Variants in SLCO3A1 observed in about 807,000 individuals in gnomAD.
SLCO3A1 encodes the protein PGE1 transporter.
A neutral mutation model predicts 63.1 loss-of-function variants in SLCO3A1; 27 were observed. That is an observed-to-expected ratio of 0.43 (90% CI 0.32 to 0.59). The LOEUF (loss-of-function observed/expected upper bound fraction) is 0.59. SLCO3A1 is among the 20% of genes least tolerant of loss of function. The pLI is 0.09. For missense variants in SLCO3A1, 773 were observed against 945.8 expected (o/e 0.82, Z 2.40); for synonymous variants, 473 against 409.9 (o/e 1.15, Z -1.86).
At chr15:91,976,250 C>CA (rs554796084) in intron 2 of SLCO3A1, among the ~76,000 whole-genome samples, 2 of 151,768 alleles carry the variant, frequency 1.3e-5, no homozygotes, top group Admixed American at 6.6e-5. Flanking sequence ...GAGTTAGTAC[C>CA]AAAAAAAGAC....
chr15:91,930,300 T>A (rs1324830755), intron 2 of SLCO3A1, among the ~76,000 whole-genome samples: 6 of 152,192 alleles, frequency 3.9e-5, no homozygotes, highest in Admixed American at 3.3e-4. Context: ...CTGATGAGTT[T>A]CACTGTGCCC....
At chr15:91,988,351 T>TC (rs1395208390) in intron 2 of SLCO3A1, among the ~76,000 whole-genome samples, 1 of 152,054 alleles carries the variant, frequency 6.6e-6, no homozygotes, top group Non-Finnish European at 1.5e-5. Flanking sequence ...AATCAATCAA[T>TC]AAAGACATAG....
Position 92,130,668 on chromosome 15 carries a change from T to C in SLCO3A1, c.1512+2179T>C, listed in dbSNP as rs193167928. ...CGAGAGCCTATTAAGGTCCAGGTAA[T>C]GGGGCCTTCCGTGTGTCACTCGTGA... On this transcript the variant is annotated intron_variant, in intron 7 of 9. Transcript: ENST00000318445. Among the ~76,000 whole-genome samples the C allele has an allele frequency of 2.2e-3, 330 of 152,236 alleles. 1 individual carries two copies. The highest frequency in any genetic ancestry group is 7.4e-3 in the African/African-American group (307 of 41,546).
At chr15:91,935,262 A>G (rs1258864171) in intron 2 of SLCO3A1, among the ~76,000 whole-genome samples, 1 of 152,208 alleles carries the variant, frequency 6.6e-6, no homozygotes, top group East Asian at 1.9e-4. Flanking sequence ...CAGACTTCTT[A>G]GGATAAATAA....
chr15:91,887,495 C>T (rs1007628051), intron 1 of SLCO3A1, among the ~76,000 whole-genome samples: 1 of 152,184 alleles, frequency 6.6e-6, no homozygotes, highest in African/African-American at 2.4e-5. Flanking sequence ...TGCACAGGAG[C>T]CCTGCAGCAG....
chr15:91,973,130 G>A (rs540292124), intron 2 of SLCO3A1, among the ~76,000 whole-genome samples: 65 of 152,304 alleles, frequency 4.3e-4, no homozygotes, highest in African/African-American at 1.4e-3. Context: ...AAAAGAAAAG[G>A]GCAACGGGCA....
At position 91,926,883 on chromosome 15, in the gene SLCO3A1, A is replaced by G. The variant is rs8024516; in HGVS notation, c.646+10425A>G. ...GCTTTGACTGGATTGAATGAGGTTC[A>G]TGACCCACAGAAGGTTAAAACCATA... On this transcript the variant is annotated intron_variant, in intron 2 of 9. Coordinates refer to ENST00000318445, the MANE Select transcript of SLCO3A1 (RefSeq NM_013272.4). Among the ~76,000 whole-genome samples, 1,018 of 152,262 alleles carry G rather than the reference A, an allele frequency of 6.7e-3. 9 individuals carry two copies. The highest frequency in any genetic ancestry group is 0.023 in the African/African-American group (975 of 41,530).
chr15:91,951,598 C>T (rs532026266), intron 2 of SLCO3A1, among the ~76,000 whole-genome samples: 32 of 149,628 alleles, frequency 2.1e-4, no homozygotes, highest in African/African-American at 7.9e-4. Flanking sequence ...CTTTGTCATC[C>T]AGGCTGGAGT....
intron 2 of SLCO3A1, among the ~76,000 whole-genome samples, chr15:91,925,721 C>G (rs1272641041): frequency 6.6e-6 from 1 of 152,098 alleles, no homozygotes; most frequent in African/African-American, 2.4e-5. Context: ...CTCTGAATAC[C>G]CAGAGATTCC....
chr15:91,980,579 C>T (rs190143950), intron 2 of SLCO3A1, among the ~76,000 whole-genome samples: 5 of 152,096 alleles, frequency 3.3e-5, no homozygotes, highest in Admixed American at 1.3e-4. Context: ...CATAACTCCT[C>T]GACTATAAAT....
At chr15:91,987,733 G>C in intron 2 of SLCO3A1, among the ~76,000 whole-genome samples, 1 of 127,586 alleles carries the variant, frequency 7.8e-6, no homozygotes, top group Admixed American at 7.7e-5. Context: ...GACAGAGCGA[G>C]ACTTTGTCTA....
chr15:91,856,197 G>A lies in SLCO3A1; in HGVS notation c.180+2109G>A, dbSNP rs1332471288. Reference sequence around the variant, plus strand: ...CGGCATCCTGGCACTTCTAGCCTTCGCTGATGGAAAGCCTGGTTGGGTGGG... The same window carrying A: ...CGGCATCCTGGCACTTCTAGCCTTCACTGATGGAAAGCCTGGTTGGGTGGG... On this transcript the variant is annotated intron_variant, in intron 1 of 9. Coordinates refer to ENST00000318445, the MANE Select transcript of SLCO3A1 (RefSeq NM_013272.4). The surrounding 1 kb of genome is among the most constrained non-coding windows in gnomAD (Gnocchi z 4.9). Among the ~76,000 whole-genome samples, 1 of 152,002 alleles carries A rather than the reference G, an allele frequency of 6.6e-6. No homozygotes were observed. The highest frequency in any genetic ancestry group is 1.5e-5 in the Non-Finnish European group (1 of 68,024).
At chr15:92,167,193 T>C (rs2048498230), downstream of SLCO3A1, among the ~76,000 whole-genome samples, 1 of 152,220 alleles carries the variant, frequency 6.6e-6, no homozygotes, top group African/African-American at 2.4e-5. Context: ...TACCTGACTA[T>C]CTTGATGGCT....
chr15:92,024,080 T>TA (rs1323552106), intron 2 of SLCO3A1, among the ~76,000 whole-genome samples: 1 of 152,192 alleles, frequency 6.6e-6, no homozygotes, highest in African/African-American at 2.4e-5. Flanking sequence ...ACTTAGCATT[T>TA]AAATCGTCTT....
intron 2 of SLCO3A1, among the ~76,000 whole-genome samples, chr15:92,003,425 G>T (rs1383715893): frequency 9.9e-5 from 15 of 152,156 alleles, no homozygotes; most frequent in African/African-American, 3.4e-4. Flanking sequence ...TACTTTATTA[G>T]TTTTTCATCA....
At chr15:91,996,277 A>G (rs2046190840) in intron 2 of SLCO3A1, among the ~76,000 whole-genome samples, 1 of 152,174 alleles carries the variant, frequency 6.6e-6, no homozygotes, top group South Asian at 2.1e-4. Flanking sequence ...TCTAAGGAAA[A>G]AATATGACAA....
At chr15:92,139,786 G>T (rs1485001618) in intron 7 of SLCO3A1, among the ~76,000 whole-genome samples, 3 of 151,598 alleles carry the variant, frequency 2.0e-5, no homozygotes, top group Non-Finnish European at 4.4e-5. Flanking sequence ...AGTATTCTCT[G>T]ATGGTAGTTT....
chr15:91,938,109 A>C (rs1156666911), intron 2 of SLCO3A1, among the ~76,000 whole-genome samples: 1 of 152,188 alleles, frequency 6.6e-6, no homozygotes, highest in African/African-American at 2.4e-5. Flanking sequence ...AAAGAGAAGT[A>C]GTTTTTGGAG....
At chr15:91,880,060 C>CAGAT (rs1381442221) in intron 1 of SLCO3A1, among the ~76,000 whole-genome samples, 2 of 151,974 alleles carry the variant, frequency 1.3e-5, no homozygotes, top group East Asian at 3.9e-4. Context: ...AAAAGTGCTC[C>CAGAT]AGATAGATAG....
Sources: gnomAD v4.1 joint callset for allele counts (sites outside exome capture counted in the v4.1 genomes callset) on GRCh38, gnomAD v4.1.1 for gene constraint, Gnocchi (gnomAD v3.1) non-coding constraint, MANE v1.5 for transcripts, NCBI Gene and HGNC (gene_info 2026-07-23, HGNC 2026-07-21) for gene names.